The following HHLA1 variants were observed in gnomAD, a reference collection of about 807,000 sequenced individuals.
The protein encoded by HHLA1 is HERV-H LTR-associating protein 1.
In HHLA1, 72 loss-of-function variants were observed where a neutral mutation model predicts 69.9. That is an observed-to-expected ratio of 1.03 (90% CI 0.85 to 1.25). HHLA1 has a LOEUF of 1.25. Among genes scored for constraint, HHLA1 ranks in the 50% most tolerant of loss-of-function variants. HHLA1 has a pLI of 0.00. For missense variants in HHLA1, 685 were observed against 642.2 expected, an observed-to-expected ratio of 1.07 and a Z score of -0.72; for synonymous variants, 252 against 233.2, an observed-to-expected ratio of 1.08 and a Z score of -0.73.
intron 10 of HHLA1, among the ~76,000 whole-genome samples, chr8:132,083,391 C>G (rs1459663013): frequency 1.3e-5 from 2 of 151,832 alleles, no homozygotes; most frequent in African/African-American, 2.4e-5. Context: ...TGGGTAGCCT[C>G]CGTATTGATT....
At chr8:132,068,288 G>A (rs1017380918) in intron 15 of HHLA1, among the ~76,000 whole-genome samples, 2 of 152,152 alleles carry the variant, frequency 1.3e-5, no homozygotes, top group East Asian at 1.9e-4. Flanking sequence ...AGTGTACACC[G>A]CTCTCAGGAT....
chr8:132,080,846 T>G (rs1196866077), intron 10 of HHLA1: 2 of 152,086 alleles, frequency 1.3e-5, no homozygotes, highest in African/African-American at 2.4e-5. Context: ...GTGGGAGAGA[T>G]TAAGCTGAAG....
At position 132,066,384 on chromosome 8, in the gene HHLA1, CTGTT is replaced by C. The variant is rs201670841; in HGVS notation, c.1470-420_1470-417del. Among the ~76,000 whole-genome samples the C allele has an allele frequency of 4.9e-3, 739 of 152,312 alleles. 5 individuals are homozygous for C. The highest frequency in any genetic ancestry group is 0.03 in the East Asian group (158 of 5,188). The stretch of plus-strand genomic sequence containing the variant: ...GTGCTCAATACATGGTGACATTTGT[CTGTT>C]TGTTTGCTTATTTATTTTAGTGGGA... On this transcript the variant is annotated intron_variant, in intron 15 of 16. Coordinates refer to ENST00000414222, the MANE Select transcript of HHLA1 (RefSeq NM_001145095.3).
intron 10 of HHLA1, chr8:132,080,305 C>T (rs1823727893): frequency 8.1e-6 from 3 of 369,952 alleles, no homozygotes; most frequent in Non-Finnish European, 1.1e-5. Context: ...TTTATTTCAC[C>T]TGGGTGCAGG....
chr8:132,066,975 G>C (rs1052470227), intron 15 of HHLA1, among the ~76,000 whole-genome samples: 1 of 152,138 alleles, frequency 6.6e-6, no homozygotes, highest in Non-Finnish European at 1.5e-5. Context: ...TTCTATAGAG[G>C]GACTTTAATA....
Position 132,105,298 on chromosome 8 carries a change from C to T in HHLA1, c.-21-12G>A, listed in dbSNP as rs1048517875. ...ATACTCTGGCCCACCTGGAATGAAG[C>T]AAGCAAACACTTAGGAAACTAAGCA... On this transcript the variant is annotated splice_polypyrimidine_tract_variant and intron_variant, in intron 1 of 16. Coordinates refer to ENST00000414222, the MANE Select transcript of HHLA1 (RefSeq NM_001145095.3). 6.0e-6 allele frequency: 9 copies of T among 1,507,934 alleles called. No individual in the cohort carries two copies. Among genetic ancestry groups the T allele is most frequent in the African/African-American group, 1.4e-5 (1 of 72,144 alleles). 93.4% of individuals were successfully genotyped at this position (1,507,934 alleles called of 1,614,324 possible). A position where few individuals can be genotyped will look rare whatever the true frequency, so the allele number is the denominator to read the frequency against.
chr8:132,107,130 A>G (rs1401006135), intron 1 of HHLA1, among the ~76,000 whole-genome samples: 1 of 152,004 alleles, frequency 6.6e-6, no homozygotes, highest in African/African-American at 2.4e-5. Flanking sequence ...CTATTTCAGA[A>G]CTCAGCATCA....
At chr8:132,067,226 G>A (rs1823456784) in intron 15 of HHLA1, among the ~76,000 whole-genome samples, 1 of 152,160 alleles carries the variant, frequency 6.6e-6, no homozygotes, top group Non-Finnish European at 1.5e-5. Flanking sequence ...ATTGCCCAAA[G>A]CAGAAAGGGA....
In HHLA1 at chr8:132,104,177, A is replaced by G; in HGVS notation, c.80-10T>C. On this transcript the variant is annotated splice_polypyrimidine_tract_variant and intron_variant, in intron 2 of 16. Transcript: ENST00000414222. Reference sequence around the variant, plus strand: ...CCTTTGATGCCAGACACTAAAGTAAAAAAGGTTTAATCACAGAAATTATAA... The same window carrying G: ...CCTTTGATGCCAGACACTAAAGTAAGAAAGGTTTAATCACAGAAATTATAA... 6.5e-7 allele frequency: 1 copy of G among 1,545,574 alleles called. No homozygotes were observed. Among genetic ancestry groups the G allele is most frequent in the Non-Finnish European group, 8.8e-7 (1 of 1,141,860 alleles).
At chr8:132,100,321 G>A (rs1824092319) in intron 3 of HHLA1, among the ~76,000 whole-genome samples, 187 bp from the exon 4 acceptor site, 1 of 152,146 alleles carries the variant, frequency 6.6e-6, no homozygotes, top group African/African-American at 2.4e-5. Context: ...TCTGTGGGGT[G>A]GCTGTGGCCT....
At chr8:132,092,024 A>G (rs996440608) in intron 7 of HHLA1, among the ~76,000 whole-genome samples, 4 of 152,256 alleles carry the variant, frequency 2.6e-5, no homozygotes, top group Non-Finnish European at 5.9e-5. Flanking sequence ...TAAATAAATC[A>G]TGGTACATTC....
chr8:132,100,712 C>A (rs1824098519), intron 3 of HHLA1, among the ~76,000 whole-genome samples: 1 of 152,188 alleles, frequency 6.6e-6, no homozygotes, highest in Non-Finnish European at 1.5e-5. Flanking sequence ...CTCCATGGGG[C>A]CTCCTGTGTG....
intron 16 of HHLA1, 81 bp from the exon 17 acceptor site, chr8:132,064,119 G>T: frequency 2.3e-6 from 2 of 861,838 alleles, no homozygotes; most frequent in South Asian, 1.6e-5. Flanking sequence ...CCCTGATGTC[G>T]CCAACAAGGG....
intron 14 of HHLA1, among the ~76,000 whole-genome samples, chr8:132,072,270 A>T (rs1414554910): frequency 6.6e-6 from 1 of 152,196 alleles, no homozygotes; most frequent in Non-Finnish European, 1.5e-5. Flanking sequence ...AGACTCAGAA[A>T]GCTTCCTATG....
chr8:132,070,339 C>T (rs1324546667), intron 15 of HHLA1: 1 of 701,950 alleles, frequency 1.4e-6, no homozygotes, highest in Admixed American at 2.0e-5. Flanking sequence ...AGTTTTCCAA[C>T]TTATTTTGCT....
intron 2 of HHLA1, among the ~76,000 whole-genome samples, 157 bp from the exon 3 acceptor site, chr8:132,104,324 T>C (rs1255283705): frequency 1.3e-5 from 2 of 152,210 alleles, no homozygotes; most frequent in African/African-American, 2.4e-5. Flanking sequence ...CATTTAATCA[T>C]TTCGTCATCA....
chr8:132,064,532 T>C (rs1271909543), intron 16 of HHLA1, among the ~76,000 whole-genome samples: 1 of 152,190 alleles, frequency 6.6e-6, no homozygotes, highest in East Asian at 1.9e-4. Flanking sequence ...AATGCCTATA[T>C]ATTTTTTGGT....
intron 3 of HHLA1, among the ~76,000 whole-genome samples, chr8:132,103,543 T>C (rs2469646): frequency 6.6e-6 from 1 of 151,928 alleles, no homozygotes. Context: ...TCTTGAGCCT[T>C]TGGGGTGGAG....
intron 15 of HHLA1, among the ~76,000 whole-genome samples, chr8:132,068,363 A>C (rs1328883492): frequency 6.6e-6 from 1 of 152,206 alleles, no homozygotes; most frequent in East Asian, 1.9e-4. Flanking sequence ...CCCATCCCCA[A>C]GCTTTCTGGC....
Sources: allele counts gnomAD v4.1 joint callset (sites outside exome capture counted in the v4.1 genomes callset), GRCh38; gene constraint gnomAD v4.1.1; transcripts MANE v1.5; gene names NCBI Gene and HGNC (gene_info 2026-07-23, HGNC 2026-07-21).